Variants in ATAD2B observed in about 807,000 individuals in gnomAD.
The protein encoded by ATAD2B is ATPase family AAA domain-containing protein 2B.
In ATAD2B, 40 loss-of-function variants were observed where a neutral mutation model predicts 167.6. That is an observed-to-expected ratio of 0.24 (90% CI 0.19 to 0.31). ATAD2B has a LOEUF of 0.31. ATAD2B is among the 10% of genes least tolerant of loss of function. The pLI is 1.00. For missense variants in ATAD2B, 1,242 were observed against 1,757.2 expected (o/e 0.71, Z 5.24); for synonymous variants, 579 against 596.5 (o/e 0.97, Z 0.43).
intron 8 of ATAD2B, chr2:23,872,827 C>A: frequency 2.0e-6 from 2 of 1,006,446 alleles, no homozygotes; most frequent in Non-Finnish European, 3.2e-6. Context: ...AGATTGCTCT[C>A]TTCTGCACTG....
intron 12 of ATAD2B, among the ~76,000 whole-genome samples, chr2:23,858,994 A>G (rs965462429): frequency 1.1e-4 from 17 of 152,174 alleles, no homozygotes; most frequent in Middle Eastern, 6.3e-3. Context: ...TAGAACTACT[A>G]GCTCAAAAGG....
chr2:23,769,109 T>C (rs866864044), intron 22 of ATAD2B, among the ~76,000 whole-genome samples: 2 of 152,136 alleles, frequency 1.3e-5, no homozygotes, highest in Admixed American at 6.6e-5. Context: ...CATCTCCCCT[T>C]GGATATCAAA....
chr2:23,787,231 CCT>C (rs757494116), intron 20 of ATAD2B, among the ~76,000 whole-genome samples: 1 of 151,900 alleles, frequency 6.6e-6, no homozygotes. Context: ...AAAGATTTCC[CCT>C]GATATCACAC....
intron 8 of ATAD2B, among the ~76,000 whole-genome samples, chr2:23,873,666 G>A (rs540912135): frequency 1.1e-4 from 17 of 152,062 alleles, no homozygotes; most frequent in Non-Finnish European, 2.2e-4. Flanking sequence ...ATATTTTCGA[G>A]GTGTGGTTGG....
At chr2:23,922,960 A>G (rs1704176594) in intron 1 of ATAD2B, among the ~76,000 whole-genome samples, 1 of 152,216 alleles carries the variant, frequency 6.6e-6, no homozygotes, top group African/African-American at 2.4e-5. Flanking sequence ...GTTCCTCAAA[A>G]AATTAAAAAT....
chr2:23,916,819 G>A (rs1332217289), intron 1 of ATAD2B, among the ~76,000 whole-genome samples: 2 of 152,186 alleles, frequency 1.3e-5, no homozygotes, highest in African/African-American at 4.8e-5. Context: ...CCTGGAAACA[G>A]CAGCCCCTAG....
At chr2:23,706,974 C>CTGT in the ATAD2B span, 1 of 250,604 alleles carries the variant, frequency 4.0e-6, no homozygotes, top group African/African-American at 2.2e-5. Context: ...GAGAGAGAAG[C>CTGT]TGTTTTTTCC....
chr2:23,823,244 GTAGTT>G lies in ATAD2B; in HGVS notation c.2131+9_2131+13del. The G allele has an allele frequency of 6.3e-7, 1 of 1,579,060 alleles. No homozygotes were observed. The highest frequency in any genetic ancestry group is 8.6e-7 in the Non-Finnish European group (1 of 1,157,542). On this transcript the variant is annotated intron_variant, in intron 16 of 27. Coordinates refer to ENST00000238789, the MANE Select transcript of ATAD2B (RefSeq NM_017552.4). ...TGTTTCATCTTAACAATATAAAAAA[GTAGTT>G]TAGAGTACCTTCTTTTTTGTCACTC...
At chr2:23,754,928 G>T (rs1394053963) in intron 25 of ATAD2B, 154 bp from the exon 26 acceptor site, 2 of 695,714 alleles carry the variant, frequency 2.9e-6, no homozygotes, top group African/African-American at 1.8e-5. Flanking sequence ...ACCCAATGTG[G>T]TAGATTTTTT....
chr2:23,703,950 G>T, the ATAD2B span: 1 of 1,397,726 alleles, frequency 7.2e-7, no homozygotes, highest in South Asian at 1.4e-5. Context: ...TGCCATCAGT[G>T]ACCATAGCAA....
chr2:23,718,463 C>T, the ATAD2B span, among the ~76,000 whole-genome samples: 1 of 152,242 alleles, frequency 6.6e-6, no homozygotes, highest in South Asian at 2.1e-4. Context: ...CTGGAGAAAG[C>T]GGTCCTTCCA....
At chr2:23,724,730 CA>C in the ATAD2B span, among the ~76,000 whole-genome samples, 1 of 151,832 alleles carries the variant, frequency 6.6e-6, no homozygotes, top group Non-Finnish European at 1.5e-5. Context: ...AATATCAAGA[CA>C]GAAAAAAAAA....
chr2:23,723,403 A>C, the ATAD2B span, among the ~76,000 whole-genome samples: 1 of 132,878 alleles, frequency 7.5e-6, no homozygotes, highest in Non-Finnish European at 1.6e-5. Flanking sequence ...AGGTGAGGAG[A>C]GGCAAGGAGA....
rs1237320057 is a variant in ATAD2B at position 23,926,693 on chromosome 2, T to G, written c.78A>C (p.Gly26=). 5 of 1,551,908 alleles carry G rather than the reference T, an allele frequency of 3.2e-6. No homozygotes were observed. The highest frequency in any genetic ancestry group is 4.4e-6 in the Non-Finnish European group (5 of 1,148,162). ...SPGPGPGPGA[G]AEPGATGGSS... is the part of the protein sequence containing the mutation. ...TGCCTCCGGTCGCCCCAGGCTCTGC[T>G]CCGGCCCCAGGCCCAGGCCCGGGAC... The change falls in exon 1 of 28, where the codon GGA becomes GGC. Residue 26 remains glycine (G), a synonymous_variant. Transcript: ENST00000238789.
At chr2:23,841,043 G>A (rs1690811894) in intron 13 of ATAD2B, among the ~76,000 whole-genome samples, 1 of 151,612 alleles carries the variant, frequency 6.6e-6, no homozygotes, top group Non-Finnish European at 1.5e-5. Context: ...AGTAGGCAGG[G>A]CTACTGATAG....
intron 9 of ATAD2B, 142 bp downstream of exon 9, chr2:23,869,521 A>G (rs1695606415): frequency 1.6e-6 from 1 of 625,762 alleles, no homozygotes; most frequent in East Asian, 2.8e-5. Flanking sequence ...TTATTGAAAG[A>G]AAAGCTAAGT....
At chr2:23,703,610 T>C in the ATAD2B span, 1 of 1,334,518 alleles carries the variant, frequency 7.5e-7, no homozygotes, top group African/African-American at 1.5e-5. Flanking sequence ...AATCAGTCAC[T>C]TGTTGGAAGT....
chr2:23,779,191 T>TTTTA (rs1679621828), intron 22 of ATAD2B, among the ~76,000 whole-genome samples: 1 of 147,160 alleles, frequency 6.8e-6, no homozygotes, highest in African/African-American at 2.5e-5. Context: ...TTTTTTTTTT[T>TTTTA]TTGAGACAGA....
At chr2:23,815,846 T>G (rs897807845) in intron 17 of ATAD2B, among the ~76,000 whole-genome samples, 1 of 152,230 alleles carries the variant, frequency 6.6e-6, no homozygotes, top group Non-Finnish European at 1.5e-5. Context: ...TACTATCTTC[T>G]ACATTTTTTC....
Sources: gnomAD v4.1 joint callset for allele counts (sites outside exome capture counted in the v4.1 genomes callset) on GRCh38, gnomAD v4.1.1 for gene constraint, MANE v1.5 for transcripts, NCBI Gene and HGNC (gene_info 2026-07-23, HGNC 2026-07-21) for gene names.